The following IGF2BP2 variants were observed in gnomAD, a reference collection of about 807,000 sequenced individuals.
IGF2BP2 encodes insulin like growth factor 2 mRNA binding protein 2.
In IGF2BP2, 17 loss-of-function variants were observed where a neutral mutation model predicts 75.8. The ratio of observed to expected loss-of-function variants is 0.22; its 90% CI spans 0.15 to 0.34. The LOEUF is 0.34. Among genes scored for constraint, IGF2BP2 ranks in the 10% least tolerant of loss-of-function variants. The pLI is 1.00. For synonymous variants in IGF2BP2, 288 were observed against 295.6 expected, an observed-to-expected ratio of 0.97 and a Z score of 0.26; for missense variants, 516 against 772.4, an observed-to-expected ratio of 0.67 and a Z score of 3.93.
chr3:185,726,773 G>C (rs1447890), intron 2 of IGF2BP2, among the ~76,000 whole-genome samples: 73,487 of 151,950 alleles, frequency 0.48, 18,037 homozygotes, highest in South Asian at 0.55. Flanking sequence ...TTTTGTGTCA[G>C]TAACAGGTTC....
At chr3:185,704,771 C>T (rs116602718) in intron 2 of IGF2BP2, among the ~76,000 whole-genome samples, 2,600 of 152,128 alleles carry the variant, frequency 0.017, 41 homozygotes, top group Non-Finnish European at 0.025. Context: ...AAAGTTCTCT[C>T]TTTCTCTCAA....
chr3:185,783,446 G>A (rs1735463650), intron 2 of IGF2BP2, among the ~76,000 whole-genome samples: 1 of 152,200 alleles, frequency 6.6e-6, no homozygotes, highest in Admixed American at 6.5e-5. Context: ...TCTCACCCCT[G>A]AGGGCAGGAC....
At chr3:185,823,316 G>C in intron 1 of IGF2BP2, 103 bp from the exon 2 acceptor site, 1 of 841,136 alleles carries the variant, frequency 1.2e-6, no homozygotes, top group African/African-American at 1.8e-5. Flanking sequence ...CCGCCTTCGG[G>C]CGCCCCCAAG....
chr3:185,760,614 T>C (rs1046218893), intron 2 of IGF2BP2, among the ~76,000 whole-genome samples: 1 of 152,202 alleles, frequency 6.6e-6, no homozygotes, highest in African/African-American at 2.4e-5. Context: ...GGATTTTGCC[T>C]TTCCGGACAT....
At chr3:185,662,672 A>G (rs892757376) in intron 10 of IGF2BP2, among the ~76,000 whole-genome samples, 2 of 151,522 alleles carry the variant, frequency 1.3e-5, no homozygotes, top group African/African-American at 2.4e-5. Context: ...CCTCCTGAGA[A>G]GCTGGGATTA....
intron 2 of IGF2BP2, among the ~76,000 whole-genome samples, chr3:185,736,118 G>A (rs1189955066): frequency 1.3e-5 from 2 of 152,176 alleles, no homozygotes; most frequent in Non-Finnish European, 2.9e-5. Flanking sequence ...AGTCCAGTTT[G>A]TTGGATCAAA....
intron 4 of IGF2BP2, 45 bp downstream of exon 4, chr3:185,696,567 G>A (rs961791433): frequency 6.6e-7 from 1 of 1,524,368 alleles, no homozygotes. Flanking sequence ...AGAAATAACA[G>A]ATAATATCTC....
At position 185,704,710 on chromosome 3, in the gene IGF2BP2, A is replaced by G. The variant is rs148393366; in HGVS notation, c.240-6363T>C. Among the ~76,000 whole-genome samples, 544 of 152,290 alleles carry G rather than the reference A, an allele frequency of 3.6e-3. 4 individuals are homozygous for G. Among genetic ancestry groups the G allele is most frequent in the African/African-American group, 0.012 (511 of 41,552 alleles). ...AGCAATCAGCCCACCTTGTCCTCCCAAAGTGCTGGGATTACAGGCATGAGC... is the reference window on the plus strand; with the variant it reads ...AGCAATCAGCCCACCTTGTCCTCCCGAAGTGCTGGGATTACAGGCATGAGC... On this transcript the variant is annotated intron_variant, in intron 2 of 15. Coordinates refer to ENST00000382199, the MANE Select transcript of IGF2BP2 (RefSeq NM_006548.6).
At chr3:185,794,107 G>A (rs1048971401) in intron 2 of IGF2BP2, among the ~76,000 whole-genome samples, 1 of 151,882 alleles carries the variant, frequency 6.6e-6, no homozygotes, top group Non-Finnish European at 1.5e-5. Context: ...ACAGGTGCAT[G>A]CCACCACACC....
At chr3:185,727,524 G>C (rs143868933) in intron 2 of IGF2BP2, among the ~76,000 whole-genome samples, 1 of 152,288 alleles carries the variant, frequency 6.6e-6, no homozygotes, top group Non-Finnish European at 1.5e-5. Context: ...ACACCTCAGG[G>C]GGCCCCAGAA....
At chr3:185,789,013 T>C (rs572050466) in intron 2 of IGF2BP2, among the ~76,000 whole-genome samples, 1 of 152,216 alleles carries the variant, frequency 6.6e-6, no homozygotes, top group East Asian at 1.9e-4. Flanking sequence ...GTGCCCAGCC[T>C]CATTCTATTT....
At chr3:185,763,407 C>A (rs867863516) in intron 2 of IGF2BP2, among the ~76,000 whole-genome samples, 2 of 152,118 alleles carry the variant, frequency 1.3e-5, no homozygotes, top group Non-Finnish European at 2.9e-5. Context: ...ATTTCTCCTG[C>A]GACTTAAGCA....
At chr3:185,756,702 G>A (rs1731666383) in intron 2 of IGF2BP2, among the ~76,000 whole-genome samples, 1 of 152,166 alleles carries the variant, frequency 6.6e-6, no homozygotes, top group African/African-American at 2.4e-5. Context: ...GGCCGGGCGT[G>A]GTGGCTCATG....
At chr3:185,817,595 T>G (rs1377357204) in intron 2 of IGF2BP2, among the ~76,000 whole-genome samples, 1 of 152,158 alleles carries the variant, frequency 6.6e-6, no homozygotes, top group African/African-American at 2.4e-5. Context: ...CTGCCTAAAA[T>G]AGAACCCATA....
chr3:185,808,457 G>A (rs1433687222), intron 2 of IGF2BP2, among the ~76,000 whole-genome samples: 3 of 152,110 alleles, frequency 2.0e-5, no homozygotes, highest in African/African-American at 4.8e-5. Flanking sequence ...TCCAGCCTGG[G>A]CAACAAGAGC....
intron 1 of IGF2BP2, among the ~76,000 whole-genome samples, chr3:185,823,526 T>G (rs1363938731): frequency 2.6e-5 from 4 of 152,144 alleles, no homozygotes; most frequent in African/African-American, 9.7e-5. Flanking sequence ...AAACTCAAGC[T>G]GCAGGGCTGG....
At chr3:185,709,617 A>T (rs1204926911) in intron 2 of IGF2BP2, among the ~76,000 whole-genome samples, 1 of 152,262 alleles carries the variant, frequency 6.6e-6, no homozygotes, top group Non-Finnish European at 1.5e-5. Context: ...ACCAGTTATA[A>T]CAGATGTTGA....
At chr3:185,790,410 A>AT (rs1395092986) in intron 2 of IGF2BP2, among the ~76,000 whole-genome samples, 1 of 152,222 alleles carries the variant, frequency 6.6e-6, no homozygotes, top group Non-Finnish European at 1.5e-5. Flanking sequence ...CAGGATATAC[A>AT]TAACAAAGAG....
chr3:185,802,412 G>A (rs1738408276), intron 2 of IGF2BP2, among the ~76,000 whole-genome samples: 1 of 152,070 alleles, frequency 6.6e-6, no homozygotes, highest in African/African-American at 2.4e-5. Context: ...CTGCAAATTT[G>A]GAAATAACAG....
Sources: gnomAD v4.1 joint callset for allele counts (sites outside exome capture counted in the v4.1 genomes callset) on GRCh38, gnomAD v4.1.1 for gene constraint, MANE v1.5 for transcripts, NCBI Gene and HGNC (gene_info 2026-07-23, HGNC 2026-07-21) for gene names.